Variants in YEATS2 observed in about 807,000 individuals in gnomAD.
YEATS2 encodes the protein YEATS domain-containing protein 2.
Under a neutral mutation model 163.2 loss-of-function variants are expected in YEATS2, and 77 were observed. That is an observed-to-expected ratio of 0.47 (90% CI 0.39 to 0.57). YEATS2 has a LOEUF of 0.57. Ranked by LOEUF, YEATS2 falls within the 20% of genes least tolerant of loss-of-function variation. The probability of loss-of-function intolerance (pLI) is 0.00; values close to 1 mark genes in which losing one functional copy is unlikely to be tolerated. For missense variants in YEATS2, 1,549 were observed against 1,729.8 expected (o/e 0.90, Z 1.85); for synonymous variants, 631 against 645.1 (o/e 0.98, Z 0.33).
At chr3:183,713,487 C>T (rs1403175332) in intron 1 of YEATS2, among the ~76,000 whole-genome samples, 4 of 152,104 alleles carry the variant, frequency 2.6e-5, no homozygotes, top group South Asian at 2.1e-4. Context: ...TGCTTGAACC[C>T]GGGAGGCGGA....
intron 6 of YEATS2, among the ~76,000 whole-genome samples, chr3:183,726,882 C>T (rs903470904): frequency 9.2e-5 from 14 of 152,050 alleles, no homozygotes; most frequent in Non-Finnish European, 1.9e-4. Flanking sequence ...GCTCACTGTA[C>T]CCTCCACCTC....
In YEATS2 at chr3:183,721,803, AATAG is replaced by A. The variant is rs556127907; in HGVS notation, c.292-84_292-81del. 1.3e-4 allele frequency: 194 copies of A among 1,506,904 alleles called. 1 individual carries two copies. The South Asian group carries it at 2.3e-3, about 18-fold the overall frequency. The allele number at this position is 1,506,904 out of a possible 1,614,324, so 93.3% of individuals were successfully genotyped here. The stretch of plus-strand genomic sequence containing the variant: ...TGAAAGATTTTAAGCATGATCCTGT[AATAG>A]ATAAGGTTTTGGAGAGATCAGATTT... On this transcript the variant is annotated intron_variant, in intron 4 of 30. Coordinates refer to ENST00000305135, the MANE Select transcript of YEATS2 (RefSeq NM_018023.5).
chr3:183,793,855 C>T (rs564322458), intron 21 of YEATS2, among the ~76,000 whole-genome samples: 58 of 152,198 alleles, frequency 3.8e-4, no homozygotes, highest in African/African-American at 1.3e-3. Flanking sequence ...TCAGGTGATC[C>T]GCCCGCCTCG....
At chr3:183,699,407 G>C (rs1713826854) in intron 1 of YEATS2, among the ~76,000 whole-genome samples, 2 of 151,818 alleles carry the variant, frequency 1.3e-5, no homozygotes, top group South Asian at 4.2e-4. Context: ...AGAGAGGCTA[G>C]AGCTAGAGAT....
In YEATS2 at chr3:183,717,653, C is replaced by T; in HGVS notation, c.103C>T (p.Arg35Ter). The change falls in exon 3 of 31, where the codon CGA (arginine) becomes TGA (stop). Residue 35 changes from arginine (R) to a stop codon, truncating the protein, a stop_gained and splice_region_variant. Coordinates refer to ENST00000305135, the MANE Select transcript of YEATS2 (RefSeq NM_018023.5). LOFTEE classifies it high-confidence loss of function. ...TGTATTTTATGTTCTTTGTACAGCT[C>T]GAGATGCTGCTGTGCAGAAGATTGA... ...KRHKAIENSARDAAVQKIETI... is the reference protein window; with the variant it reads ...KRHKAIENSA 6.4e-7 allele frequency: 1 copy of T among 1,560,792 alleles called. No individual in the cohort carries two copies. Among genetic ancestry groups the T allele is most frequent in the Non-Finnish European group, 8.6e-7 (1 of 1,161,040 alleles).
At chr3:183,707,692 T>TTTTTTTTTG (rs1714757779) in intron 1 of YEATS2, among the ~76,000 whole-genome samples, 1 of 149,206 alleles carries the variant, frequency 6.7e-6, no homozygotes, top group East Asian at 2.0e-4. Flanking sequence ...TTTTTTTTTT[T>TTTTTTTTTG]TTTTTTTTTG....
Position 183,705,806 on chromosome 3 carries a change from G to A in YEATS2, c.-20+7813G>A, listed in dbSNP as rs975047441. 6.6e-5 allele frequency among the ~76,000 whole-genome samples: 10 copies of A among 152,212 alleles called. No homozygotes were observed. The East Asian group carries it at 1.9e-3, about 29-fold the overall frequency. On this transcript the variant is annotated intron_variant, in intron 1 of 30. Coordinates refer to ENST00000305135, the MANE Select transcript of YEATS2 (RefSeq NM_018023.5). ...TCTAATCCCAGCACTTTGGGAGGCC[G>A]GGGCAGGCAGATCACGAGTTGAGGA...
In YEATS2 at chr3:183,775,929, T is replaced by G; in HGVS notation, c.2383T>G (p.Ser795Ala). 6.2e-7 allele frequency: 1 copy of G among 1,612,202 alleles called. No individual in the cohort carries two copies. ...TGTATTTTTAGATCTCCAGTCTGGC[T>G]CAGCTGCCAGTGGTGGGAGTGGTGC... ...ATNNANLQSG[S>A]AASGGSGAGG... is the part of the protein sequence containing the mutation. Residue 795 changes from serine (S) to alanine (A), a missense_variant, in exon 18 of 31, where the codon TCA becomes GCA. Ser to Ala is a moderately conservative substitution (Grantham distance 99). Transcript: ENST00000305135.
chr3:183,810,691 A>G lies in YEATS2; in HGVS notation c.*108A>G, dbSNP rs1726722946. ...GGTTTCCAGTGTGACTCGGCATGTC[A>G]TGGCTACCCAACCTTTGCCGCTGCC... On this transcript the variant is annotated 3_prime_UTR_variant, in exon 31 of 31. Transcript: ENST00000305135. 7.1e-6 allele frequency: 7 copies of G among 980,380 alleles called. No homozygotes were observed. The highest frequency in any genetic ancestry group is 1.5e-5 in the South Asian group (1 of 68,910). The allele number at this position is 980,380 out of a possible 1,614,324, so 60.7% of individuals were successfully genotyped here.
rs371575700 is a variant in YEATS2, at chr3:183,758,844, T to C, written c.1553-18T>C. 9 of 1,503,884 alleles carry C rather than the reference T, an allele frequency of 6.0e-6. No individual in the cohort carries two copies. In the African/African-American group the frequency reaches 1.3e-4, roughly 21 times the overall value. The allele number at this position is 1,503,884 out of a possible 1,614,324, so 93.2% of individuals were successfully genotyped here. On this transcript the variant is annotated intron_variant, in intron 12 of 30. Coordinates refer to ENST00000305135, the MANE Select transcript of YEATS2 (RefSeq NM_018023.5). ...AAATTTTACTTTGTTTATGTTTTAATTGTGCCTTGCTTATCAGGAAGTCCT... is the reference window on the plus strand; with the variant it reads ...AAATTTTACTTTGTTTATGTTTTAACTGTGCCTTGCTTATCAGGAAGTCCT...
At chr3:183,738,210 A>T (rs930698025) in intron 8 of YEATS2, among the ~76,000 whole-genome samples, 30 of 132,918 alleles carry the variant, frequency 2.3e-4, no homozygotes, top group African/African-American at 7.1e-4. Flanking sequence ...AAATTAGGCC[A>T]ATTAATAACC....
intron 1 of YEATS2, among the ~76,000 whole-genome samples, chr3:183,701,057 G>A (rs980554285): frequency 3.3e-5 from 5 of 150,552 alleles, no homozygotes; most frequent in African/African-American, 9.8e-5. Flanking sequence ...ATATATGTGT[G>A]TGTGTGTGTG....
rs1716043843 is a variant in YEATS2, at chr3:183,717,698, T to C, written c.148T>C (p.Phe50Leu). 1 of 1,568,430 alleles carries C rather than the reference T, an allele frequency of 6.4e-7. No individual in the cohort carries two copies. The change falls in exon 3 of 31, where the codon TTT (phenylalanine) becomes CTT (leucine). Residue 50 changes from phenylalanine to leucine, a missense_variant. By Grantham distance (22) the Phe-to-Leu change is conservative. Transcript: ENST00000305135. ...GATTGAGACTATTATCAAAGAACAG[T>C]TTGCTCTTGAAATGAAGAATAAGGA... ...QKIETIIKEQ[F>L]ALEMKNKEHE... is the part of the protein sequence containing the mutation.
In YEATS2 at chr3:183,718,707, G is replaced by T. The variant is rs1716168006; in HGVS notation, c.291+115G>T. 15 of 905,662 alleles carry T rather than the reference G, an allele frequency of 1.7e-5. 1 individual carries two copies. The highest frequency in any genetic ancestry group is 3.6e-5 in the South Asian group (2 of 54,942). The allele number at this position is 905,662 out of a possible 1,614,324, so 56.1% of individuals were successfully genotyped here. ...AACATTTCTTTCTGTTTGTTTTTTG[G>T]TTTTTTTTTGAGACGGAGTCTCGCT... is the stretch of plus-strand genomic sequence containing the variant. On this transcript the variant is annotated intron_variant, in intron 4 of 30. Transcript: ENST00000305135.
intron 7 of YEATS2, among the ~76,000 whole-genome samples, chr3:183,729,849 G>T (rs553825026): frequency 1.3e-5 from 2 of 150,568 alleles, no homozygotes; most frequent in African/African-American, 4.9e-5. Flanking sequence ...CACCACACCC[G>T]GCTAATTTTT....
chr3:183,780,059 C>G (rs1723420448), intron 19 of YEATS2, among the ~76,000 whole-genome samples: 2 of 146,702 alleles, frequency 1.4e-5, no homozygotes, highest in South Asian at 4.3e-4. Flanking sequence ...ACAGAGAAAA[C>G]TTTAAATTGC....
chr3:183,789,767 C>T (rs903707168), intron 20 of YEATS2, among the ~76,000 whole-genome samples: 1 of 151,690 alleles, frequency 6.6e-6, no homozygotes, highest in Non-Finnish European at 1.5e-5. Flanking sequence ...TCTTGCTCTC[C>T]TGACCTCGTG....
At chr3:183,706,745 G>A (rs1714661625) in intron 1 of YEATS2, among the ~76,000 whole-genome samples, 1 of 152,188 alleles carries the variant, frequency 6.6e-6, no homozygotes, top group African/African-American at 2.4e-5. Flanking sequence ...GAACCCGGGA[G>A]GCGGAGGTTG....
At chr3:183,800,891 G>GGT (rs1023836671) in intron 24 of YEATS2, 31 of 267,568 alleles carry the variant, frequency 1.2e-4, no homozygotes, top group African/African-American at 6.9e-4. Context: ...CCATCACTCA[G>GGT]GTGTGTACAC....
Sources: gnomAD v4.1 joint callset for allele counts (sites outside exome capture counted in the v4.1 genomes callset) on GRCh38, gnomAD v4.1.1 for gene constraint, MANE v1.5 for transcripts, NCBI Gene and HGNC (gene_info 2026-07-23, HGNC 2026-07-21) for gene names.